The following CDK19 variants were observed in gnomAD, a reference collection of about 807,000 sequenced individuals.
CDK19 encodes the protein cyclin-dependent kinase 19.
Under a neutral mutation model 68.3 loss-of-function variants are expected in CDK19, and 20 were observed. That is an observed-to-expected ratio of 0.29 (90% confidence interval 0.21 to 0.43). The LOEUF is 0.43. CDK19 is among the 20% of genes least tolerant of loss of function. CDK19 has a pLI of 1.00. For missense variants in CDK19, 339 were observed against 623.5 expected (o/e 0.54, Z 4.86); for synonymous variants, 221 against 222.8 (o/e 0.99, Z 0.07).
chr6:110,753,749 T>C (rs1778645341), intron 1 of CDK19, among the ~76,000 whole-genome samples: 1 of 152,124 alleles, frequency 6.6e-6, no homozygotes, highest in South Asian at 2.1e-4. Context: ...TGTTCATATT[T>C]ATTTGACATT....
intron 2 of CDK19, among the ~76,000 whole-genome samples, chr6:110,720,252 T>C (rs1775760663): frequency 6.6e-6 from 1 of 152,176 alleles, no homozygotes; most frequent in Admixed American, 6.5e-5. Flanking sequence ...AAGGCAGTGA[T>C]TCAAAGCCCT....
chr6:110,679,316 TAA>T (rs58934719), intron 2 of CDK19, among the ~76,000 whole-genome samples: 21 of 136,958 alleles, frequency 1.5e-4, no homozygotes, highest in South Asian at 2.3e-4. Context: ...ACCCTGTCTC[TAA>T]AAAAAAAAAA....
chr6:110,663,559 T>C (rs1321522302), intron 4 of CDK19, among the ~76,000 whole-genome samples: 1 of 152,176 alleles, frequency 6.6e-6, no homozygotes, highest in South Asian at 2.1e-4. Context: ...AGGGTCTCAA[T>C]TTGTTGCCCA....
intron 1 of CDK19, among the ~76,000 whole-genome samples, chr6:110,775,322 C>T (rs1386833640): frequency 2.0e-5 from 3 of 152,110 alleles, no homozygotes; most frequent in Non-Finnish European, 4.4e-5. Context: ...GCAAATCCTG[C>T]AGCTCAAGGT....
intron 2 of CDK19, among the ~76,000 whole-genome samples, chr6:110,675,349 C>T (rs1452339374): frequency 2.6e-5 from 4 of 152,002 alleles, no homozygotes; most frequent in Admixed American, 6.6e-5. Flanking sequence ...GCTAAATGGC[C>T]GGGTACAGTG....
chr6:110,717,699 T>TTTTTTTG (rs1775514593), intron 2 of CDK19, among the ~76,000 whole-genome samples: 1 of 152,046 alleles, frequency 6.6e-6, no homozygotes. Flanking sequence ...TGCCTTTGTT[T>TTTTTTTG]TTTTGTTTTG....
chr6:110,754,471 T>C (rs1195821551), intron 1 of CDK19, among the ~76,000 whole-genome samples: 5 of 150,962 alleles, frequency 3.3e-5, no homozygotes, highest in African/African-American at 1.2e-4. Flanking sequence ...TTAGTAAATA[T>C]TTAGTTAAAC....
chr6:110,762,892 G>A (rs2114958890), intron 1 of CDK19, among the ~76,000 whole-genome samples: 1 of 152,300 alleles, frequency 6.6e-6, no homozygotes, highest in Middle Eastern at 3.4e-3. Flanking sequence ...TGTAGCCAAT[G>A]TAATACCTTG....
At position 110,697,154 on chromosome 6, in the gene CDK19, C is replaced by T. The variant is rs190175756; in HGVS notation, c.205-26613G>A. On this transcript the variant is annotated intron_variant, in intron 2 of 12. Transcript: ENST00000368911. ...AGGCTGAGGCAGAATTGCTTGAACC[C>T]GGGAGGCGGAGGTTACAGTGAGCTG... Among the ~76,000 whole-genome samples, 906 of 151,872 alleles carry T rather than the reference C, an allele frequency of 6.0e-3. 4 individuals carry two copies. Among genetic ancestry groups the T allele is most frequent in the Non-Finnish European group, 9.8e-3 (668 of 67,946 alleles).
At chr6:110,724,030 AC>A (rs1410847849) in intron 2 of CDK19, among the ~76,000 whole-genome samples, 2 of 144,200 alleles carry the variant, frequency 1.4e-5, no homozygotes, top group Non-Finnish European at 3.1e-5. Flanking sequence ...AAAAAAAAAA[AC>A]TAGTTTAAAA....
chr6:110,721,792 G>A (rs1009171820), intron 2 of CDK19, among the ~76,000 whole-genome samples: 14 of 151,678 alleles, frequency 9.2e-5, no homozygotes, highest in Non-Finnish European at 1.8e-4. Flanking sequence ...GTGAAACCTC[G>A]TCTCTACAAA....
chr6:110,668,434 T>C (rs1314350001), intron 3 of CDK19, among the ~76,000 whole-genome samples: 1 of 152,228 alleles, frequency 6.6e-6, no homozygotes, highest in African/African-American at 2.4e-5. Flanking sequence ...TAACATTGAT[T>C]TGATTTTAAG....
chr6:110,733,909 AT>A (rs1776967533), intron 2 of CDK19, among the ~76,000 whole-genome samples: 1 of 152,106 alleles, frequency 6.6e-6, no homozygotes, highest in Non-Finnish European at 1.5e-5. Context: ...ACTGTAGCTC[AT>A]TTACCTTCCA....
intron 6 of CDK19, 59 bp downstream of exon 6, chr6:110,631,970 AC>A (rs1244091461): frequency 6.8e-7 from 1 of 1,463,880 alleles, no homozygotes; most frequent in Admixed American, 2.1e-5. Context: ...TTATTATTAT[AC>A]CATTTTATAT....
intron 9 of CDK19, 33 bp from the exon 10 acceptor site, chr6:110,622,945 G>A: frequency 1.5e-6 from 2 of 1,297,996 alleles, no homozygotes; most frequent in Admixed American, 1.7e-5. Flanking sequence ...TACAGCACAT[G>A]AAAAGGTTAT....
intron 1 of CDK19, among the ~76,000 whole-genome samples, chr6:110,793,542 C>T (rs182993674): frequency 2.6e-5 from 4 of 152,288 alleles, no homozygotes; most frequent in South Asian, 2.1e-4. Context: ...ATAAATTGTA[C>T]TTATCATTAA....
At position 110,690,267 on chromosome 6, in the gene CDK19, C is replaced by G. The variant is rs575091794; in HGVS notation, c.205-19726G>C. 2.0e-5 allele frequency among the ~76,000 whole-genome samples: 3 copies of G among 148,618 alleles called. No individual in the cohort carries two copies. The South Asian group carries it at 6.5e-4, about 32-fold the overall frequency. ...GCTTGCATAAGAGGTAGAGTCACAA[C>G]TCCTCTCTACTCAGAACATCAACAT... is the stretch of plus-strand genomic sequence containing the variant. On this transcript the variant is annotated intron_variant, in intron 2 of 12. Transcript: ENST00000368911.
rs1783512604 is a variant in CDK19, at chr6:110,815,004, C to T, written c.128+5G>A. 13 of 1,603,910 alleles carry T rather than the reference C, an allele frequency of 8.1e-6. No homozygotes were observed. Among genetic ancestry groups the T allele is most frequent in the African/African-American group, 1.4e-5 (1 of 72,956 alleles). Reference sequence around the variant, plus strand: ...CGAGCCTACTCCTCCCGCCCCTGCTCTTACCCATCTTTCCGCCTCGCCTTG... The same window carrying T: ...CGAGCCTACTCCTCCCGCCCCTGCTTTTACCCATCTTTCCGCCTCGCCTTG... On this transcript the variant is annotated splice_donor_5th_base_variant and intron_variant, in intron 1 of 12. Coordinates refer to ENST00000368911, the MANE Select transcript of CDK19 (RefSeq NM_015076.5).
chr6:110,663,336 AC>A (rs1387982888), intron 4 of CDK19, among the ~76,000 whole-genome samples: 1 of 152,212 alleles, frequency 6.6e-6, no homozygotes, highest in Non-Finnish European at 1.5e-5. Context: ...TCTTTTTAAG[AC>A]CATATTCATA....
Sources: allele counts gnomAD v4.1 joint callset (sites outside exome capture counted in the v4.1 genomes callset), GRCh38; gene constraint gnomAD v4.1.1; transcripts MANE v1.5; gene names NCBI Gene and HGNC (gene_info 2026-07-23, HGNC 2026-07-21).